HADHA: variants seen among roughly 807,000 people sequenced by gnomAD.
HADHA encodes the protein hydroxyacyl-CoA dehydrogenase trifunctional multienzyme complex subunit alpha, also known as trifunctional enzyme subunit alpha, mitochondrial.
A neutral mutation model predicts 91.3 loss-of-function variants in HADHA; 59 were observed. The ratio of observed to expected loss-of-function variants is 0.65; its 90% CI spans 0.52 to 0.80. The LOEUF (loss-of-function observed/expected upper bound fraction) is 0.80. Ranked by LOEUF, HADHA falls within the 30% of genes least tolerant of loss-of-function variation. The probability of loss-of-function intolerance (pLI) is 0.00; values close to 1 mark genes in which losing one functional copy is unlikely to be tolerated. For synonymous variants in HADHA, 320 were observed against 338.9 expected, an observed-to-expected ratio of 0.94 and a Z score of 0.61; for missense variants, 800 against 927.6, an observed-to-expected ratio of 0.86 and a Z score of 1.79.
At chr2:26,200,334 A>T (rs1197684786) in intron 13 of HADHA, among the ~76,000 whole-genome samples, 3 of 152,038 alleles carry the variant, frequency 2.0e-5, no homozygotes, top group Admixed American at 2.0e-4. Flanking sequence ...TCATCCCTGA[A>T]TTACTGCTAT....
At position 26,197,688 on chromosome 2, in the gene HADHA, T is replaced by A; in HGVS notation, c.1479+3A>T. On this transcript the variant is annotated splice_donor_region_variant and intron_variant, in intron 14 of 19. Transcript: ENST00000380649. Reference sequence around the variant, plus strand: ...TCAGGGTTTTTCTCTGTTCCGAGTTTACCTTCTCAGGTCTTTTGCTGACAG... The same window carrying A: ...TCAGGGTTTTTCTCTGTTCCGAGTTAACCTTCTCAGGTCTTTTGCTGACAG... The A allele has an allele frequency of 7.5e-7, 1 of 1,338,666 alleles. No homozygotes were observed. Among genetic ancestry groups the A allele is most frequent in the South Asian group, 1.2e-5 (1 of 85,686 alleles). 82.9% of individuals were successfully genotyped at this position (1,338,666 alleles called of 1,614,324 possible).
At chr2:26,218,311 G>A (rs200229738) in intron 7 of HADHA, among the ~76,000 whole-genome samples, 2 of 109,668 alleles carry the variant, frequency 1.8e-5, no homozygotes, top group African/African-American at 3.5e-5. Flanking sequence ...AAAAAAAAAA[G>A]AGAGAGAAAA....
chr2:26,232,502 A>G (rs1670647689), intron 5 of HADHA, among the ~76,000 whole-genome samples: 1 of 152,078 alleles, frequency 6.6e-6, no homozygotes. Flanking sequence ...TAGATCTCCT[A>G]AAAAATCTAC....
At chr2:26,200,211 T>A (rs1669794505) in intron 13 of HADHA, among the ~76,000 whole-genome samples, 1 of 152,222 alleles carries the variant, frequency 6.6e-6, no homozygotes, top group African/African-American at 2.4e-5. Flanking sequence ...TGTAATGAGC[T>A]CACTGCTCAT....
chr2:26,192,636 A>G (rs1669542228), intron 17 of HADHA, among the ~76,000 whole-genome samples: 1 of 151,984 alleles, frequency 6.6e-6, no homozygotes. Flanking sequence ...AAATACAAAA[A>G]TTAGCTGGGC....
chr2:26,200,355 C>T (rs1056835992), intron 13 of HADHA, among the ~76,000 whole-genome samples: 5 of 152,138 alleles, frequency 3.3e-5, no homozygotes, highest in African/African-American at 9.7e-5. Context: ...TACTCCTTCT[C>T]GGGGCTTACT....
intron 7 of HADHA, among the ~76,000 whole-genome samples, chr2:26,219,021 A>AG (rs1558324809): frequency 6.6e-6 from 1 of 150,616 alleles, no homozygotes; most frequent in African/African-American, 2.4e-5. Context: ...AAAAAAAAAA[A>AG]AAGAAAGAAA....
At chr2:26,216,183 G>C (rs909099700) in intron 7 of HADHA, among the ~76,000 whole-genome samples, 2 of 152,192 alleles carry the variant, frequency 1.3e-5, no homozygotes, top group Non-Finnish European at 2.9e-5. Context: ...AAGTCTGTAA[G>C]AGCCACATTG....
intron 12 of HADHA, 88 bp downstream of exon 12, chr2:26,203,974 C>T: frequency 7.5e-7 from 1 of 1,339,876 alleles, no homozygotes. Flanking sequence ...AACAAACAAA[C>T]AAAAAAACCC....
At chr2:26,236,743 C>A in intron 4 of HADHA, 112 bp downstream of exon 4, 1 of 828,154 alleles carries the variant, frequency 1.2e-6, no homozygotes, top group Non-Finnish European at 2.0e-6. Flanking sequence ...TTTTACAGGC[C>A]TGTGTCACTG....
chr2:26,216,839 G>A (rs992557819), intron 7 of HADHA, among the ~76,000 whole-genome samples: 4 of 152,168 alleles, frequency 2.6e-5, no homozygotes, highest in African/African-American at 7.2e-5. Context: ...AACTCTGGCC[G>A]AGTATTGTTC....
At chr2:26,242,723 G>A (rs576653948) in intron 1 of HADHA, among the ~76,000 whole-genome samples, 1 of 152,328 alleles carries the variant, frequency 6.6e-6, no homozygotes, top group South Asian at 2.1e-4. Context: ...GGCAGAGCCA[G>A]GTCCAAACCC....
chr2:26,192,933 G>C (rs1286731067), intron 17 of HADHA, among the ~76,000 whole-genome samples: 1 of 152,182 alleles, frequency 6.6e-6, no homozygotes, highest in East Asian at 1.9e-4. Flanking sequence ...TGTGTACATG[G>C]ATGAGAAAGG....
At chr2:26,241,274 T>C (rs1222746475) in intron 1 of HADHA, among the ~76,000 whole-genome samples, 1 of 152,074 alleles carries the variant, frequency 6.6e-6, no homozygotes, top group Non-Finnish European at 1.5e-5. Flanking sequence ...TTCTCAAGAT[T>C]CAACACTGGG....
At chr2:26,236,383 T>TGC (rs1670759647) in intron 4 of HADHA, among the ~76,000 whole-genome samples, 1 of 51,946 alleles carries the variant, frequency 1.9e-5, no homozygotes, top group African/African-American at 7.2e-5. Context: ...ATATACTCTG[T>TGC]GTGTGTGTGT....
rs1449014049 is a variant in HADHA, at chr2:26,191,631, G to A, written c.2001-3C>T. ...ACTGGATGTCTTCGTCTGATGAGCT[G>A]CCAACAGAAAGAGATGTTTAGGTAG... On this transcript the variant is annotated splice_polypyrimidine_tract_variant and splice_region_variant and intron_variant, in intron 18 of 19. Transcript: ENST00000380649. 1.2e-6 allele frequency: 2 copies of A among 1,613,662 alleles called. No homozygotes were observed. The highest frequency in any genetic ancestry group is 1.7e-6 in the Non-Finnish European group (2 of 1,179,738).
intron 6 of HADHA, 94 bp from the exon 7 acceptor site, chr2:26,230,388 G>A (rs1426900699): frequency 1.2e-6 from 1 of 825,342 alleles, no homozygotes. Context: ...ATATTAAAAT[G>A]AGAAAAGTCA....
chr2:26,244,347 G>A (rs1671018229), intron 1 of HADHA, among the ~76,000 whole-genome samples, 183 bp downstream of exon 1: 2 of 152,242 alleles, frequency 1.3e-5, no homozygotes, highest in Non-Finnish European at 2.9e-5. Context: ...GGAGTCGTGA[G>A]AGGGGAAGTG....
chr2:26,229,320 AGAGT>A lies in HADHA; in HGVS notation c.676+868_676+871del, dbSNP rs1325530960. On this transcript the variant is annotated intron_variant, in intron 7 of 19. Transcript: ENST00000380649. The surrounding 1 kb of genome is among the most constrained non-coding windows in gnomAD (Gnocchi z 4.3). ...ACCACCATATTCCAGTCTGAGCAAC[AGAGT>A]GAGACCCCAACATGTGTGCGCGCGC... is the stretch of plus-strand genomic sequence containing the variant. Among the ~76,000 whole-genome samples the A allele has an allele frequency of 2.7e-5, 4 of 149,798 alleles. No homozygotes were observed. The highest frequency in any genetic ancestry group is 7.5e-5 in the African/African-American group (3 of 40,262).
Sources: allele counts gnomAD v4.1 joint callset (sites outside exome capture counted in the v4.1 genomes callset), GRCh38; gene constraint gnomAD v4.1.1; non-coding constraint Gnocchi (gnomAD v3.1); transcripts MANE v1.5; gene names NCBI Gene and HGNC (gene_info 2026-07-23, HGNC 2026-07-21).